The following VPS54 variants were observed in gnomAD, a reference collection of about 807,000 sequenced individuals.
The protein encoded by VPS54 is vacuolar protein sorting-associated protein 54.
VPS54 carries 45 observed loss-of-function variants against 121.5 expected under a neutral mutation model. The observed-to-expected ratio is 0.37, with a 90% confidence interval of 0.29 to 0.47. The LOEUF (loss-of-function observed/expected upper bound fraction) is 0.47, where lower values mean the gene tolerates loss of function less well. Among genes scored for constraint, VPS54 ranks in the 20% least tolerant of loss-of-function variants. The pLI is 0.99. For synonymous variants in VPS54, 371 were observed against 385.8 expected, an observed-to-expected ratio of 0.96 and a Z score of 0.45; for missense variants, 1,090 against 1,131.4, an observed-to-expected ratio of 0.96 and a Z score of 0.52.
At position 63,981,848 on chromosome 2, in the gene VPS54, G is replaced by A. The variant is rs780077873; in HGVS notation, c.176C>T (p.Thr59Ile). 1.9e-6 allele frequency: 3 copies of A among 1,613,238 alleles called. No homozygotes were observed. The highest frequency in any genetic ancestry group is 2.5e-6 in the Non-Finnish European group (3 of 1,179,532). The change falls in exon 3 of 23, where the codon ACA becomes ATA. Residue 59 changes from threonine (T) to isoleucine (I), a missense_variant. Physicochemically the swap from Thr to Ile is moderately conservative, Grantham distance 89 (BLOSUM62 -1). Coordinates refer to ENST00000272322, the MANE Select transcript of VPS54 (RefSeq NM_016516.3). ...ATATACAGTCCATCTATGTTGATCT[G>A]TAACTAGAGATGGGGCAACATATAA... The part of the protein sequence containing the change: ...HSLYVAPSLV[T>I]DQHRWTVYHS...
At chr2:63,903,906 A>G (rs1397149994) in intron 20 of VPS54, among the ~76,000 whole-genome samples, 1 of 152,162 alleles carries the variant, frequency 6.6e-6, no homozygotes, top group African/African-American at 2.4e-5. Context: ...CTAACTATAT[A>G]AAAACAATTT....
chr2:63,924,945 C>G (rs115262333), intron 12 of VPS54, among the ~76,000 whole-genome samples: 2,681 of 152,122 alleles, frequency 0.018, 33 homozygotes, highest in Non-Finnish European at 0.022. Flanking sequence ...GTGAAAAAGA[C>G]AGTAACAAAG....
At chr2:64,006,822 T>C (rs1007370916) in intron 1 of VPS54, among the ~76,000 whole-genome samples, 3 of 152,214 alleles carry the variant, frequency 2.0e-5, no homozygotes, top group Non-Finnish European at 4.4e-5. Flanking sequence ...TTTCGCCATA[T>C]TGGTCAGGCT....
At chr2:64,013,987 T>C (rs1449107666) in intron 1 of VPS54, among the ~76,000 whole-genome samples, 4 of 148,686 alleles carry the variant, frequency 2.7e-5, no homozygotes, top group African/African-American at 9.7e-5. Flanking sequence ...GGTCAGGAGT[T>C]CGAGACCAGT....
chr2:63,918,067 T>A (rs1673471123), intron 15 of VPS54, among the ~76,000 whole-genome samples: 1 of 152,024 alleles, frequency 6.6e-6, no homozygotes, highest in African/African-American at 2.4e-5. Flanking sequence ...TAATTTATCA[T>A]GGATAAATGG....
At chr2:63,927,657 T>G (rs1673971708) in intron 12 of VPS54, among the ~76,000 whole-genome samples, 1 of 152,132 alleles carries the variant, frequency 6.6e-6, no homozygotes, top group African/African-American at 2.4e-5. Flanking sequence ...GGACGGAGAA[T>G]GAGTTAGACG....
chr2:63,900,749 C>G (rs989244644), intron 20 of VPS54, among the ~76,000 whole-genome samples: 4 of 145,638 alleles, frequency 2.7e-5, no homozygotes, highest in African/African-American at 9.9e-5. Flanking sequence ...CATCTCAAAT[C>G]TGGTTTTTTT....
chr2:63,978,793 T>C (rs145753326), intron 3 of VPS54, among the ~76,000 whole-genome samples: 2 of 152,084 alleles, frequency 1.3e-5, no homozygotes, highest in Non-Finnish European at 2.9e-5. Flanking sequence ...CTAATTTTTG[T>C]ATTTTTAGTA....
chr2:63,972,809 C>CAG, intron 3 of VPS54, among the ~76,000 whole-genome samples: 1 of 151,542 alleles, frequency 6.6e-6, no homozygotes, highest in East Asian at 1.9e-4. Context: ...ACCCAGGAGG[C>CAG]AGAGGCTGCA....
At chr2:63,933,025 G>A (rs984702357) in intron 12 of VPS54, among the ~76,000 whole-genome samples, 7 of 152,064 alleles carry the variant, frequency 4.6e-5, no homozygotes, top group African/African-American at 1.7e-4. Context: ...TAACATAAGA[G>A]ATAAAGACAA....
intron 20 of VPS54, among the ~76,000 whole-genome samples, chr2:63,907,895 G>A (rs1234376510): frequency 1.3e-5 from 2 of 152,028 alleles, no homozygotes; most frequent in African/African-American, 4.8e-5. Flanking sequence ...ACAAGAGGAC[G>A]AACATTAAAA....
rs574088706 is a variant in VPS54, at chr2:63,919,728, A to C, written c.2164+155T>G. On this transcript the variant is annotated intron_variant, in intron 15 of 22. Coordinates refer to ENST00000272322, the MANE Select transcript of VPS54 (RefSeq NM_016516.3). ...AATAAATATTTGAAATAATTATTAT[A>C]AATTACCATAGTTTTCCTGTCAAGT... Among the ~76,000 whole-genome samples the C allele has an allele frequency of 1.6e-4, 24 of 152,262 alleles. No individual in the cohort carries two copies. In the South Asian group the frequency reaches 4.8e-3, roughly 30 times the overall value.
chr2:63,900,596 G>A (rs1672638517), intron 20 of VPS54, among the ~76,000 whole-genome samples: 1 of 152,114 alleles, frequency 6.6e-6, no homozygotes, highest in Non-Finnish European at 1.5e-5. Context: ...TCCAAAAAGT[G>A]GACAAGGAAC....
rs551410895 is a variant in VPS54, at chr2:63,999,349, A to G, written c.-20-15330T>C. 3.9e-5 allele frequency among the ~76,000 whole-genome samples: 6 copies of G among 152,276 alleles called. No homozygotes were observed. In the East Asian group the frequency reaches 1.2e-3, roughly 29 times the overall value. On this transcript the variant is annotated intron_variant, in intron 1 of 22. Coordinates refer to ENST00000272322, the MANE Select transcript of VPS54 (RefSeq NM_016516.3). ...TTTATTTCTCTTTCATGTTTGAAGG[A>G]TATTTTCATTGGATATAGTATTCTA...
chr2:63,961,062 C>A (rs1472334549), intron 7 of VPS54, among the ~76,000 whole-genome samples: 1 of 152,170 alleles, frequency 6.6e-6, no homozygotes, highest in East Asian at 1.9e-4. Flanking sequence ...TACACTATAT[C>A]ATAACTATGC....
intron 20 of VPS54, among the ~76,000 whole-genome samples, chr2:63,902,460 T>C (rs1222485029): frequency 2.0e-5 from 3 of 151,982 alleles, no homozygotes; most frequent in Non-Finnish European, 1.5e-5. Flanking sequence ...ATAACAAACA[T>C]AGCCTGACAG....
intron 10 of VPS54, among the ~76,000 whole-genome samples, chr2:63,943,273 A>G (rs1575939128): frequency 6.6e-6 from 1 of 152,238 alleles, no homozygotes; most frequent in Admixed American, 6.5e-5. Context: ...TTATAGTACC[A>G]AAATGACTTA....
rs535045185 is a variant in VPS54 at position 63,989,979 on chromosome 2, T to C, written c.-20-5960A>G. Among the ~76,000 whole-genome samples the C allele has an allele frequency of 6.8e-4, 104 of 152,366 alleles. No homozygotes were observed. The South Asian group carries it at 0.02, about 30-fold the overall frequency. The stretch of plus-strand genomic sequence containing the variant: ...GAAAAGGGAACCATATGTAAAAGTA[T>C]GGGATCGTGTTGGTGCAACATTCCA... On this transcript the variant is annotated intron_variant, in intron 1 of 22. Coordinates refer to ENST00000272322, the MANE Select transcript of VPS54 (RefSeq NM_016516.3).
chr2:63,915,434 A>G (rs1307956240), intron 16 of VPS54, among the ~76,000 whole-genome samples: 6 of 152,214 alleles, frequency 3.9e-5, no homozygotes, highest in Non-Finnish European at 8.8e-5. Context: ...CCATATATGC[A>G]TACTGGTCTC....
Sources: allele counts gnomAD v4.1 joint callset (sites outside exome capture counted in the v4.1 genomes callset), GRCh38; gene constraint gnomAD v4.1.1; transcripts MANE v1.5; gene names NCBI Gene and HGNC (gene_info 2026-07-23, HGNC 2026-07-21).